SEMA5A: variants seen among roughly 807,000 people sequenced by gnomAD.
SEMA5A encodes the protein semaphorin-5A.
SEMA5A carries 55 observed loss-of-function variants against 135.5 expected under a neutral mutation model. The observed-to-expected ratio is 0.41, with a 90% CI of 0.33 to 0.51. The LOEUF (loss-of-function observed/expected upper bound fraction) is 0.51. Among genes scored for constraint, SEMA5A ranks in the 20% least tolerant of loss-of-function variants. The pLI is 0.37. For missense variants in SEMA5A, 1,290 were observed against 1,419.9 expected, an observed-to-expected ratio of 0.91 and a Z score of 1.47; for synonymous variants, 580 against 546.5, an observed-to-expected ratio of 1.06 and a Z score of -0.85.
intron 5 of SEMA5A, among the ~76,000 whole-genome samples, chr5:9,303,790 A>G (rs1391503874): frequency 1.3e-5 from 2 of 152,206 alleles, no homozygotes; most frequent in African/African-American, 4.8e-5. Flanking sequence ...GAATCCAAAG[A>G]AACAAAAGAC....
intron 11 of SEMA5A, among the ~76,000 whole-genome samples, chr5:9,189,710 A>C (rs1744996465): frequency 6.6e-6 from 1 of 152,006 alleles, no homozygotes; most frequent in Non-Finnish European, 1.5e-5. Context: ...TGCTTTCTAC[A>C]CTCTAGTTGC....
chr5:9,346,792 C>T (rs1394257249), intron 3 of SEMA5A, among the ~76,000 whole-genome samples: 3 of 152,116 alleles, frequency 2.0e-5, no homozygotes, highest in Admixed American at 6.6e-5. Context: ...AATGAGGCAT[C>T]CCTATCACAA....
intron 1 of SEMA5A, among the ~76,000 whole-genome samples, chr5:9,475,686 A>G (rs1213622755): frequency 6.6e-6 from 1 of 152,216 alleles, no homozygotes; most frequent in Non-Finnish European, 1.5e-5. Context: ...AAGTTGATTT[A>G]GCCAGTTGGT....
chr5:9,439,455 C>T (rs1758153384), intron 1 of SEMA5A, among the ~76,000 whole-genome samples: 1 of 152,160 alleles, frequency 6.6e-6, no homozygotes, highest in African/African-American at 2.4e-5. Context: ...TAAAGTTTGA[C>T]AGATCCTCTG....
At chr5:9,296,102 T>A (rs1201727862) in intron 5 of SEMA5A, among the ~76,000 whole-genome samples, 2 of 152,142 alleles carry the variant, frequency 1.3e-5, no homozygotes, top group African/African-American at 2.4e-5. Context: ...ACAAATACAA[T>A]CATGCCAATT....
At chr5:9,187,732 T>A (rs913817682) in intron 11 of SEMA5A, among the ~76,000 whole-genome samples, 2 of 152,218 alleles carry the variant, frequency 1.3e-5, no homozygotes, top group African/African-American at 4.8e-5. Flanking sequence ...AAAAATCAGG[T>A]TTGTGGAACA....
chr5:9,110,400 C>T (rs944944902), intron 15 of SEMA5A, among the ~76,000 whole-genome samples: 1 of 152,020 alleles, frequency 6.6e-6, no homozygotes, highest in Non-Finnish European at 1.5e-5. Flanking sequence ...CAGGAAGAGC[C>T]CATAGAACAA....
rs562521588 is a variant in SEMA5A at position 9,514,818 on chromosome 5, C to T, written c.-175+30766G>A. On this transcript the variant is annotated intron_variant, in intron 1 of 22. Transcript: ENST00000382496. ...CACCTTGCAAATGAAAATATGCTTGCTAAGGTTCCTTCAAAAAGATCATTC... is the reference window on the plus strand; with the variant it reads ...CACCTTGCAAATGAAAATATGCTTGTTAAGGTTCCTTCAAAAAGATCATTC... 2.0e-4 allele frequency among the ~76,000 whole-genome samples: 31 copies of T among 152,246 alleles called. 1 individual carries two copies. The South Asian group carries it at 5.8e-3, about 29-fold the overall frequency.
In SEMA5A at chr5:9,513,312, GA is replaced by G. The variant is rs551743564; in HGVS notation, c.-175+32271del. On this transcript the variant is annotated intron_variant, in intron 1 of 22. Transcript: ENST00000382496. ...AGTGAAAAAGTAATAATCTAGCAAA[GA>G]ATCCTATCATTGGATTTCACCCAAA... Among the ~76,000 whole-genome samples, 317 of 151,916 alleles carry G rather than the reference GA, an allele frequency of 2.1e-3. 1 individual carries two copies. The highest frequency in any genetic ancestry group is 3.6e-3 in the Non-Finnish European group (243 of 67,946).
intron 2 of SEMA5A, among the ~76,000 whole-genome samples, chr5:9,392,473 G>T (rs976732449): frequency 3.3e-5 from 5 of 152,088 alleles, no homozygotes; most frequent in Admixed American, 2.6e-4. Flanking sequence ...GGTAAATTGA[G>T]GGGGGGAAGC....
At chr5:9,435,456 T>C (rs1475982792) in intron 2 of SEMA5A, among the ~76,000 whole-genome samples, 2 of 152,208 alleles carry the variant, frequency 1.3e-5, no homozygotes, top group East Asian at 1.9e-4. Flanking sequence ...ATATAAACCA[T>C]GTCAAGCAAT....
intron 8 of SEMA5A, among the ~76,000 whole-genome samples, chr5:9,203,902 AG>A (rs1210319478): frequency 6.6e-6 from 1 of 152,008 alleles, no homozygotes; most frequent in Admixed American, 6.6e-5. Context: ...AATATCCTGG[AG>A]AGATGTTCAC....
intron 8 of SEMA5A, among the ~76,000 whole-genome samples, chr5:9,222,542 A>G (rs1019644212): frequency 7.2e-5 from 11 of 152,144 alleles, no homozygotes; most frequent in Admixed American, 6.5e-4. Context: ...TGTCATGCAA[A>G]TTGTGCTGCC....
chr5:9,522,961 A>G (rs1736917791), intron 1 of SEMA5A: 1 of 152,202 alleles, frequency 6.6e-6, no homozygotes, highest in African/African-American at 2.4e-5. Flanking sequence ...GATGACGCAC[A>G]TACATATTTT....
chr5:9,434,535 AT>A (rs1184470933), intron 2 of SEMA5A, among the ~76,000 whole-genome samples: 1 of 152,122 alleles, frequency 6.6e-6, no homozygotes, highest in Non-Finnish European at 1.5e-5. Flanking sequence ...TGTTTAGAGT[AT>A]GGTATATATT....
At chr5:9,279,597 T>C (rs1341743481) in intron 5 of SEMA5A, among the ~76,000 whole-genome samples, 1 of 152,132 alleles carries the variant, frequency 6.6e-6, no homozygotes, top group Non-Finnish European at 1.5e-5. Context: ...CATGTTGAAT[T>C]ATAATCCCTG....
chr5:9,451,318 C>G (rs1197116211), intron 1 of SEMA5A, among the ~76,000 whole-genome samples: 1 of 152,186 alleles, frequency 6.6e-6, no homozygotes, highest in African/African-American at 2.4e-5. Flanking sequence ...AACAAGACTC[C>G]TCATTCAAAT....
rs937422748 is a variant in SEMA5A at position 9,050,405 on chromosome 5, C to T, written c.2893+5G>A. 42 of 1,609,924 alleles carry T rather than the reference C, an allele frequency of 2.6e-5. No homozygotes were observed. Among genetic ancestry groups the T allele is most frequent in the Non-Finnish European group, 3.1e-5 (37 of 1,177,956 alleles). ...CATTACAACTACTTAAAAGGAATAA[C>T]GTACCTCCACACCTTTTCTCTTCTA... On this transcript the variant is annotated splice_donor_5th_base_variant and intron_variant, in intron 21 of 22. Transcript: ENST00000382496.
Position 9,154,563 on chromosome 5 carries a change from C to T in SEMA5A, c.1406G>A (p.Ser469Asn). The part of the protein sequence containing the change: ...IRSLQILHSQ[S>N]VLFVGLREHV... ...CTCCCGCAGGCCCACGAACAGGACA[C>T]TCTGGCTGTGCAGGATCTGCAGGCT... Residue 469 changes from serine (S) to asparagine (N), a missense_variant, in exon 12 of 23, where the codon AGT (serine) becomes AAT (asparagine). Ser to Asn is a conservative substitution (Grantham distance 46, BLOSUM62 1). This residue lies in a region of SEMA5A where 1,029 missense variants were observed against 1,086.6 expected (regional missense o/e 0.95). Transcript: ENST00000382496. The T allele has an allele frequency of 1.9e-6, 3 of 1,613,516 alleles. No homozygotes were observed. The highest frequency in any genetic ancestry group is 2.5e-6 in the Non-Finnish European group (3 of 1,179,982).
Sources: gnomAD v4.1 joint callset for allele counts (sites outside exome capture counted in the v4.1 genomes callset) on GRCh38, gnomAD v4.1.1 for gene constraint, gnomAD v4.1.1 regional missense constraint, MANE v1.5 for transcripts, NCBI Gene and HGNC (gene_info 2026-07-23, HGNC 2026-07-21) for gene names.